The following CDK8 variants were observed in gnomAD, a reference collection of about 807,000 sequenced individuals.
The protein encoded by CDK8 is cyclin dependent kinase 8, also known as cyclin-dependent kinase 8.
Under a neutral mutation model 71.5 loss-of-function variants are expected in CDK8, and 29 were observed. That is an observed-to-expected ratio of 0.41 (90% CI 0.30 to 0.55). The LOEUF (loss-of-function observed/expected upper bound fraction) is 0.55. CDK8 is among the 20% of genes least tolerant of loss of function. CDK8 has a pLI of 0.37. For synonymous variants in CDK8, 161 were observed against 192.1 expected (o/e 0.84, Z 1.34); for missense variants, 288 against 572.6 (o/e 0.50, Z 5.07).
chr13:26,339,296 T>C (rs1873124252), intron 2 of CDK8, among the ~76,000 whole-genome samples: 1 of 152,154 alleles, frequency 6.6e-6, no homozygotes, highest in African/African-American at 2.4e-5. Context: ...GTTTGTGGTA[T>C]GATACAGAGT....
intron 1 of CDK8, among the ~76,000 whole-genome samples, chr13:26,288,955 T>G (rs1228651751): frequency 6.6e-6 from 1 of 151,818 alleles, no homozygotes; most frequent in African/African-American, 2.4e-5. Context: ...TTCACTATGG[T>G]CTCGAATTCC....
chr13:26,254,296 A>G lies in CDK8; in HGVS notation c.-346A>G. ...GCCGCTCCCGCCGCAGCAGGAGCAG[A>G]ACGCGCGGCCGGAGAGAGCGGCGGA... On this transcript the variant is annotated 5_prime_UTR_variant, in exon 1 of 13. Coordinates refer to ENST00000381527, the MANE Select transcript of CDK8 (RefSeq NM_001260.3). This position sits in a 1 kb window ranked among gnomAD's most constrained non-coding sequence, Gnocchi z 6.7. 1 of 282,250 alleles carries G rather than the reference A, an allele frequency of 3.5e-6. No homozygotes were observed. The highest frequency in any genetic ancestry group is 5.9e-5 in the East Asian group (1 of 16,840). The allele number at this position is 282,250 out of a possible 1,614,324, so 17.5% of individuals were successfully genotyped here.
chr13:26,372,532 A>G (rs1029519613), intron 4 of CDK8, among the ~76,000 whole-genome samples: 1 of 152,200 alleles, frequency 6.6e-6, no homozygotes, highest in Non-Finnish European at 1.5e-5. Context: ...GTATTTTTTA[A>G]AAGTTCAATT....
At chr13:26,331,790 T>C (rs1043536315) in intron 1 of CDK8, among the ~76,000 whole-genome samples, 2 of 152,202 alleles carry the variant, frequency 1.3e-5, no homozygotes, top group Non-Finnish European at 2.9e-5. Flanking sequence ...TTTTGACTAT[T>C]GGGGCTCTTT....
chr13:26,357,722 G>GC (rs1278341998), intron 4 of CDK8, among the ~76,000 whole-genome samples: 7 of 152,172 alleles, frequency 4.6e-5, no homozygotes, highest in Non-Finnish European at 8.8e-5. Context: ...TCCAAAATCT[G>GC]CAGAGCAGGC....
In CDK8 at chr13:26,294,285, C is replaced by T. The variant is rs536477898; in HGVS notation, c.128+39516C>T. 3.9e-4 allele frequency among the ~76,000 whole-genome samples: 59 copies of T among 151,976 alleles called. No homozygotes were observed. The Middle Eastern group carries it at 0.027, about 71-fold the overall frequency. On this transcript the variant is annotated intron_variant, in intron 1 of 12. Transcript: ENST00000381527. ...AGTTGGGATTATAGGCATGAGCCAC[C>T]ATGCCCTGCTCTACACACTATATTT...
intron 1 of CDK8, among the ~76,000 whole-genome samples, chr13:26,263,260 C>T (rs1346666453): frequency 7.9e-5 from 12 of 152,070 alleles, no homozygotes; most frequent in African/African-American, 2.4e-4. Context: ...CTCAGCCTCC[C>T]GAGTAGCTGG....
At chr13:26,373,364 C>T (rs952932776) in intron 4 of CDK8, among the ~76,000 whole-genome samples, 5 of 151,990 alleles carry the variant, frequency 3.3e-5, no homozygotes, top group African/African-American at 9.7e-5. Flanking sequence ...GATAATTGGC[C>T]TTTGCTGTGC....
rs114339988 is a variant in CDK8 at position 26,356,341 on chromosome 13, A to G, written c.456+2461A>G. On this transcript the variant is annotated intron_variant, in intron 4 of 12. Coordinates refer to ENST00000381527, the MANE Select transcript of CDK8 (RefSeq NM_001260.3). ...TCCTCCATCCCTCTTGCCATTATTT[A>G]AAGTTTATTAATCCAAAAAGTTCTG... Among the ~76,000 whole-genome samples the G allele has an allele frequency of 6.6e-3, 1,002 of 152,298 alleles. 10 individuals carry two copies. Among genetic ancestry groups the G allele is most frequent in the African/African-American group, 0.021 (869 of 41,558 alleles).
chr13:26,392,821 T>A (rs1272496276), intron 6 of CDK8, among the ~76,000 whole-genome samples: 1 of 152,220 alleles, frequency 6.6e-6, no homozygotes, highest in Non-Finnish European at 1.5e-5. Flanking sequence ...AATACCACCT[T>A]ACTGATTAGT....
intron 4 of CDK8, among the ~76,000 whole-genome samples, chr13:26,371,955 TA>T (rs1433885257): frequency 3.3e-5 from 5 of 152,076 alleles, no homozygotes; most frequent in Non-Finnish European, 7.4e-5. Context: ...GACAAAATTT[TA>T]AAAATAAAGA....
At chr13:26,270,644 C>T (rs1414864294) in intron 1 of CDK8, among the ~76,000 whole-genome samples, 1 of 152,146 alleles carries the variant, frequency 6.6e-6, no homozygotes, top group Non-Finnish European at 1.5e-5. Context: ...ACAATATGTG[C>T]TCTTTTGTGA....
intron 5 of CDK8, among the ~76,000 whole-genome samples, chr13:26,383,088 G>A (rs544212007): frequency 2.0e-5 from 3 of 152,170 alleles, no homozygotes; most frequent in South Asian, 4.1e-4. Flanking sequence ...TTATGAAACC[G>A]TGCAAGTTTC....
At chr13:26,309,315 G>GT (rs1201819707) in intron 1 of CDK8, among the ~76,000 whole-genome samples, 1 of 151,688 alleles carries the variant, frequency 6.6e-6, no homozygotes, top group Non-Finnish European at 1.5e-5. Context: ...AATTTTTTAT[G>GT]TTTTTAGTAG....
chr13:26,400,822 T>C (rs1876221578), intron 10 of CDK8, among the ~76,000 whole-genome samples: 1 of 152,176 alleles, frequency 6.6e-6, no homozygotes, highest in African/African-American at 2.4e-5. Flanking sequence ...ATGCGTGCTG[T>C]AGCTCCTTAC....
intron 4 of CDK8, among the ~76,000 whole-genome samples, chr13:26,367,410 C>A (rs1874442428): frequency 6.6e-6 from 1 of 151,106 alleles, no homozygotes; most frequent in African/African-American, 2.4e-5. Context: ...TCAGCATGGG[C>A]CAAAGAGGAA....
chr13:26,399,705 A>G (rs371253339), intron 9 of CDK8, among the ~76,000 whole-genome samples: 7 of 152,376 alleles, frequency 4.6e-5, no homozygotes, highest in Non-Finnish European at 4.4e-5. Context: ...CTCTCCATAT[A>G]TTAACTCATT....
chr13:26,399,669 C>A (rs947628596), intron 9 of CDK8, among the ~76,000 whole-genome samples: 1 of 152,216 alleles, frequency 6.6e-6, no homozygotes, highest in South Asian at 2.1e-4. Context: ...ATAGTACTTT[C>A]TTTATGCTAG....
intron 4 of CDK8, among the ~76,000 whole-genome samples, chr13:26,360,006 G>T (rs889787032): frequency 6.6e-6 from 1 of 152,096 alleles, no homozygotes; most frequent in African/African-American, 2.4e-5. Context: ...ATAAGCCATT[G>T]CACCTGGCCT....
Sources: allele counts gnomAD v4.1 joint callset (sites outside exome capture counted in the v4.1 genomes callset), GRCh38; gene constraint gnomAD v4.1.1; non-coding constraint Gnocchi (gnomAD v3.1); transcripts MANE v1.5; gene names NCBI Gene and HGNC (gene_info 2026-07-23, HGNC 2026-07-21).